Variants in PTPN3 observed in about 807,000 individuals in gnomAD.
PTPN3 encodes the protein protein tyrosine phosphatase non-receptor type 3.
Under a neutral mutation model 132.7 loss-of-function variants are expected in PTPN3, and 96 were observed. The observed-to-expected ratio is 0.72, with a 90% CI of 0.61 to 0.86. The LOEUF is 0.86. PTPN3 is among the 40% of genes least tolerant of loss of function. PTPN3 has a pLI of 0.00. For missense variants in PTPN3, 1,125 were observed against 1,159.6 expected, an observed-to-expected ratio of 0.97 and a Z score of 0.43; for synonymous variants, 398 against 429.0, an observed-to-expected ratio of 0.93 and a Z score of 0.89.
chr9:109,394,430 A>T, intron 19 of PTPN3, among the ~76,000 whole-genome samples: 1 of 152,070 alleles, frequency 6.6e-6, no homozygotes, highest in East Asian at 1.9e-4. Flanking sequence ...ATCATATATT[A>T]AAAAGTGTTA....
At chr9:109,480,991 T>C (rs1349477335) in intron 1 of PTPN3, among the ~76,000 whole-genome samples, 1 of 152,222 alleles carries the variant, frequency 6.6e-6, no homozygotes, top group East Asian at 1.9e-4. Context: ...TCACTTCTTA[T>C]GACTGCTGCC....
At position 109,463,371 on chromosome 9, in the gene PTPN3, T is replaced by C. The variant is rs1845940519; in HGVS notation, c.64A>G (p.Lys22Glu). Reference sequence around the variant, plus strand: ...ATGACTTCTGATCGAGTTTTCTCTTTGGGTAACTCCGAGGTGCGTATATTA... The same window carrying C: ...ATGACTTCTGATCGAGTTTTCTCTTCGGGTAACTCCGAGGTGCGTATATTA... Reference protein sequence around the residue: ...INNIRTSELPKEKTRSEVICS... With the variant: ...INNIRTSELPEEKTRSEVICS... The change falls in exon 2 of 26, where the codon AAA becomes GAA. Residue 22 changes from lysine to glutamate, a missense_variant. Physicochemically the swap from Lys to Glu is moderately conservative, Grantham distance 56 (BLOSUM62 1). Transcript: ENST00000374541. 4 of 1,613,874 alleles carry C rather than the reference T, an allele frequency of 2.5e-6. No homozygotes were observed. In the South Asian group the frequency reaches 4.4e-5, roughly 18 times the overall value.
intron 10 of PTPN3, among the ~76,000 whole-genome samples, chr9:109,432,348 C>T (rs1280905057): frequency 6.6e-6 from 1 of 152,110 alleles, no homozygotes; most frequent in African/African-American, 2.4e-5. Context: ...TTTGCCAAAA[C>T]TCCGTGTTTT....
intron 10 of PTPN3, 46 bp downstream of exon 10, chr9:109,433,026 AT>A: frequency 6.2e-7 from 1 of 1,603,222 alleles, no homozygotes. Flanking sequence ...TGTTAGGCAT[AT>A]TTTTAAAGCA....
chr9:109,457,772 G>A (rs1456633693), intron 2 of PTPN3, among the ~76,000 whole-genome samples: 1 of 152,198 alleles, frequency 6.6e-6, no homozygotes, highest in Non-Finnish European at 1.5e-5. Context: ...GGTTTCTGTT[G>A]GCTCCTCAGG....
At chr9:109,475,297 G>C (rs1846602526) in intron 1 of PTPN3, among the ~76,000 whole-genome samples, 1 of 152,168 alleles carries the variant, frequency 6.6e-6, no homozygotes, top group African/African-American at 2.4e-5. Flanking sequence ...CCTCAATGTG[G>C]TATTGTTCAA....
Position 109,475,216 on chromosome 9 carries a change from G to C in PTPN3, c.-17-11765C>G, listed in dbSNP as rs73654248. On this transcript the variant is annotated intron_variant, in intron 1 of 25. Transcript: ENST00000374541. ...GAGGGCAGACTGACAGTGAAGAGTG[G>C]GATAGATGAACTCTGGGCTTTCAGG... is the stretch of plus-strand genomic sequence containing the variant. Among the ~76,000 whole-genome samples, 1,459 of 152,154 alleles carry C rather than the reference G, an allele frequency of 9.6e-3. 22 individuals carry two copies. The highest frequency in any genetic ancestry group is 0.033 in the African/African-American group (1,368 of 41,480).
At position 109,481,291 on chromosome 9, in the gene PTPN3, A is replaced by T. The variant is rs140268998; in HGVS notation, c.-18+16928T>A. ...CGAACACAGGTCTCAGTGATGGCCA[A>T]CTATAGATAAGCAAGAGAAATACAT... On this transcript the variant is annotated intron_variant, in intron 1 of 25. Coordinates refer to ENST00000374541, the MANE Select transcript of PTPN3 (RefSeq NM_002829.4). Among the ~76,000 whole-genome samples the T allele has an allele frequency of 2.7e-3, 406 of 152,296 alleles. 3 individuals are homozygous for T. Among genetic ancestry groups the T allele is most frequent in the Middle Eastern group, 0.01 (3 of 294 alleles).
upstream of PTPN3, among the ~76,000 whole-genome samples, chr9:109,500,128 AC>A (rs1269242854): frequency 2.0e-5 from 3 of 152,206 alleles, no homozygotes; most frequent in African/African-American, 7.2e-5. Context: ...CGATCTGGGC[AC>A]CCGAGTGGAA....
chr9:109,442,087 G>T (rs959050876), intron 7 of PTPN3, among the ~76,000 whole-genome samples: 7 of 151,714 alleles, frequency 4.6e-5, no homozygotes, highest in Non-Finnish European at 1.5e-5. Flanking sequence ...TCACTCTGTT[G>T]CCCAGGCTGG....
chr9:109,420,313 T>C (rs1353918943), intron 14 of PTPN3, 111 bp downstream of exon 14: 2 of 1,152,636 alleles, frequency 1.7e-6, no homozygotes, highest in Non-Finnish European at 1.2e-6. Context: ...CTGTGGGAGC[T>C]GGCTGCAGGC....
intron 1 of PTPN3, among the ~76,000 whole-genome samples, chr9:109,493,367 G>A (rs531835098): frequency 6.6e-6 from 1 of 152,270 alleles, no homozygotes; most frequent in East Asian, 1.9e-4. Flanking sequence ...TCTGTAAAAT[G>A]GGGCTGGAAG....
Position 109,458,169 on chromosome 9 carries a change from C to T in PTPN3, c.139-770G>A, listed in dbSNP as rs560529271. 3.9e-5 allele frequency among the ~76,000 whole-genome samples: 6 copies of T among 152,274 alleles called. No individual in the cohort carries two copies. The East Asian group carries it at 7.7e-4, about 20-fold the overall frequency. On this transcript the variant is annotated intron_variant, in intron 2 of 25. Transcript: ENST00000374541. The stretch of plus-strand genomic sequence containing the variant: ...AGGCCGTCGAGGGCTGTGAAACAGT[C>T]GAGGCACAGTGGACACCCAACGGGA...
chr9:109,472,128 T>C (rs1460838525), intron 1 of PTPN3, among the ~76,000 whole-genome samples: 1 of 152,240 alleles, frequency 6.6e-6, no homozygotes, highest in Admixed American at 6.5e-5. Flanking sequence ...CTGGGATTAG[T>C]ACTGTTGTCT....
chr9:109,445,989 T>C (rs1474674206), intron 6 of PTPN3, among the ~76,000 whole-genome samples: 1 of 152,216 alleles, frequency 6.6e-6, no homozygotes, highest in Non-Finnish European at 1.5e-5. Flanking sequence ...GGTGCCCTGT[T>C]TCTGCCAATG....
chr9:109,447,207 G>A (rs2131984570), intron 6 of PTPN3, among the ~76,000 whole-genome samples: 1 of 152,230 alleles, frequency 6.6e-6, no homozygotes, highest in South Asian at 2.1e-4. Flanking sequence ...CCCATTATTT[G>A]GAGAATTAGA....
chr9:109,404,473 C>T lies in PTPN3; in HGVS notation c.1928G>A (p.Ser643Asn), dbSNP rs1458053605. Residue 643 changes from serine (S) to asparagine (N), a missense_variant, in exon 19 of 26, where the codon AGC (serine) becomes AAC (asparagine). Ser to Asn is a conservative substitution (Grantham distance 46). Coordinates refer to ENST00000374541, the MANE Select transcript of PTPN3 (RefSeq NM_002829.4). ...CTCAAACTGGATCAGCACCGTCCCG[C>T]TTTCGAGGCCCTTCTTTAGCTGTGC... ...SMAQLKKGLESGTVLIQFEQL... is the reference protein window; with the variant it reads ...SMAQLKKGLENGTVLIQFEQL... 1 of 1,502,478 alleles carries T rather than the reference C, an allele frequency of 6.7e-7. No individual in the cohort carries two copies. 93.1% of individuals were successfully genotyped at this position (1,502,478 alleles called of 1,614,324 possible).
At chr9:109,536,316 T>C in the PTPN3 span, among the ~76,000 whole-genome samples, 1 of 147,022 alleles carries the variant, frequency 6.8e-6, no homozygotes, top group Non-Finnish European at 1.6e-5. Flanking sequence ...GTGAATGGTG[T>C]ATGCATATCC....
chr9:109,381,205 T>A (rs901096353), intron 25 of PTPN3, among the ~76,000 whole-genome samples: 2 of 152,102 alleles, frequency 1.3e-5, no homozygotes, highest in African/African-American at 4.8e-5. Flanking sequence ...CCCCTAGAGT[T>A]CCTCTTGAGG....
Sources: gnomAD v4.1 joint callset for allele counts (sites outside exome capture counted in the v4.1 genomes callset) on GRCh38, gnomAD v4.1.1 for gene constraint, MANE v1.5 for transcripts, NCBI Gene and HGNC (gene_info 2026-07-23, HGNC 2026-07-21) for gene names.